Variants in ZNF366 observed in about 807,000 individuals in gnomAD.
ZNF366 encodes dendritic cell-specific transcript protein.
Under a neutral mutation model 47.2 loss-of-function variants are expected in ZNF366, and 20 were observed. The ratio of observed to expected loss-of-function variants is 0.42; its 90% CI spans 0.30 to 0.62. The LOEUF is 0.62. Among genes scored for constraint, ZNF366 ranks in the 20% least tolerant of loss-of-function variants. ZNF366 has a pLI of 0.16. For synonymous variants in ZNF366, 421 were observed against 395.1 expected (o/e 1.07, Z -0.78); for missense variants, 987 against 976.3 (o/e 1.01, Z -0.15).
At chr5:72,478,429 A>C (rs1250480241) in intron 1 of ZNF366, among the ~76,000 whole-genome samples, 3 of 152,216 alleles carry the variant, frequency 2.0e-5, no homozygotes, top group Admixed American at 1.3e-4. Flanking sequence ...CAAAGCATAG[A>C]AAGGAACTGG....
In ZNF366 at chr5:72,467,259, A is replaced by T. The variant is rs1743449318; in HGVS notation, c.-14-5749T>A. 3.9e-5 allele frequency among the ~76,000 whole-genome samples: 6 copies of T among 152,366 alleles called. No homozygotes were observed. In the South Asian group the frequency reaches 1.2e-3, roughly 32 times the overall value. ...AAACAAATAGTTTGAAAAGGAAAATATTGGGTTCATCTGTGTTAAAGGAAT... is the reference window on the plus strand; with the variant it reads ...AAACAAATAGTTTGAAAAGGAAAATTTTGGGTTCATCTGTGTTAAAGGAAT... On this transcript the variant is annotated intron_variant, in intron 1 of 4. Coordinates refer to ENST00000318442, the MANE Select transcript of ZNF366 (RefSeq NM_152625.3).
At chr5:72,502,796 TAAG>T (rs1200106607) in intron 1 of ZNF366, among the ~76,000 whole-genome samples, 1 of 152,204 alleles carries the variant, frequency 6.6e-6, no homozygotes, top group Non-Finnish European at 1.5e-5. Flanking sequence ...ATGCTCACTC[TAAG>T]ATGCAAATAA....
chr5:72,446,914 C>T (rs563171798), intron 4 of ZNF366, among the ~76,000 whole-genome samples: 5 of 152,274 alleles, frequency 3.3e-5, no homozygotes, highest in South Asian at 2.1e-4. Context: ...TTCATTCCCC[C>T]GCTGTAAAAT....
chr5:72,487,533 T>C (rs781579220), intron 1 of ZNF366, among the ~76,000 whole-genome samples: 2 of 152,192 alleles, frequency 1.3e-5, no homozygotes, highest in Non-Finnish European at 1.5e-5. Context: ...TTCACAGTCC[T>C]TCTCCCCTCC....
chr5:72,503,364 A>G (rs147004120), intron 1 of ZNF366, among the ~76,000 whole-genome samples: 126 of 152,310 alleles, frequency 8.3e-4, no homozygotes, highest in African/African-American at 2.9e-3. Context: ...GGCTCTTAAA[A>G]CGAGCATTTA....
chr5:72,494,239 G>A (rs1744069661), intron 1 of ZNF366: 2 of 152,242 alleles, frequency 1.3e-5, no homozygotes, highest in South Asian at 4.1e-4. Flanking sequence ...GATCCGTGGA[G>A]CTATAGGACT....
intron 1 of ZNF366, among the ~76,000 whole-genome samples, chr5:72,472,746 T>G (rs1392178087): frequency 6.6e-6 from 1 of 152,182 alleles, no homozygotes; most frequent in Non-Finnish European, 1.5e-5. Context: ...CACTCTGGCG[T>G]GTCAAGGGTG....
Position 72,485,283 on chromosome 5 carries a change from G to C in ZNF366, c.-15+21968C>G, listed in dbSNP as rs374113119. On this transcript the variant is annotated intron_variant, in intron 1 of 4. Coordinates refer to ENST00000318442, the MANE Select transcript of ZNF366 (RefSeq NM_152625.3). ...ATACTGTTTGCTCCATGAGGTCAGG[G>C]ATCCTGTTAGTTCACAGTCACTATT... Among the ~76,000 whole-genome samples, 4 of 152,172 alleles carry C rather than the reference G, an allele frequency of 2.6e-5. No individual in the cohort carries two copies. The East Asian group carries it at 5.8e-4, about 22-fold the overall frequency.
chr5:72,461,003 G>C lies in ZNF366; in HGVS notation c.494C>G (p.Thr165Arg). The change falls in exon 2 of 5, where the codon ACG becomes AGG. Residue 165 changes from threonine (T) to arginine (R), a missense_variant. This residue lies in a region of ZNF366 where 591 missense variants were observed against 560.9 expected (regional missense o/e 1.05). Coordinates refer to ENST00000318442, the MANE Select transcript of ZNF366 (RefSeq NM_152625.3). ...GGGCGTGGGCAGGAATGGAGTGGGC[G>C]TTGGCTGGGGCCACACGGCGCTGGG... ...IKPSAVWPQP[T>R]PTPFLPTPYP... 3 of 1,614,078 alleles carry C rather than the reference G, an allele frequency of 1.9e-6. No homozygotes were observed. The highest frequency in any genetic ancestry group is 2.5e-6 in the Non-Finnish European group (3 of 1,180,014).
At chr5:72,451,793 A>G (rs543690696) in intron 3 of ZNF366, among the ~76,000 whole-genome samples, 5 of 152,334 alleles carry the variant, frequency 3.3e-5, no homozygotes, top group South Asian at 2.1e-4. Flanking sequence ...GCTTCATCCA[A>G]GGTTCAGGGC....
chr5:72,479,206 G>C (rs968226165), intron 1 of ZNF366, among the ~76,000 whole-genome samples: 8 of 152,100 alleles, frequency 5.3e-5, no homozygotes, highest in African/African-American at 1.9e-4. Context: ...TTGCCCCTAT[G>C]ATTTTTTAAA....
Position 72,447,241 on chromosome 5 carries a change from A to G in ZNF366, c.1699+2T>C. 1 of 1,614,050 alleles carries G rather than the reference A, an allele frequency of 6.2e-7. No homozygotes were observed. Among genetic ancestry groups the G allele is most frequent in the Non-Finnish European group, 8.5e-7 (1 of 1,179,964 alleles). On this transcript the variant is annotated splice_donor_variant, in intron 4 of 4. Transcript: ENST00000318442. LOFTEE classifies it high-confidence loss of function. Reference sequence around the variant, plus strand: ...TGCAGGGCTTCCCAGAAGAGTGATTACCTTGGGAATGAAGGCCCCGCTCCA... The same window carrying G: ...TGCAGGGCTTCCCAGAAGAGTGATTGCCTTGGGAATGAAGGCCCCGCTCCA...
At chr5:72,450,370 A>G (rs1052119475) in intron 3 of ZNF366, among the ~76,000 whole-genome samples, 3 of 152,152 alleles carry the variant, frequency 2.0e-5, no homozygotes, top group Non-Finnish European at 4.4e-5. Flanking sequence ...GCGCCTGGTA[A>G]AATGGTGTCT....
intron 1 of ZNF366, among the ~76,000 whole-genome samples, chr5:72,496,918 C>T (rs1744122656): frequency 6.6e-6 from 1 of 151,994 alleles, no homozygotes; most frequent in South Asian, 2.1e-4. Flanking sequence ...GCTGATTTGC[C>T]ATTTCTATAT....
chr5:72,499,381 G>T (rs887347285), intron 1 of ZNF366, among the ~76,000 whole-genome samples: 15 of 152,068 alleles, frequency 9.9e-5, no homozygotes, highest in African/African-American at 3.6e-4. Flanking sequence ...AAGCCAGGTA[G>T]GAGGTGAGAT....
intron 1 of ZNF366, among the ~76,000 whole-genome samples, chr5:72,462,547 C>CTTTCTTTCTTTCTTTCTTTCTTTCT (rs11275151): frequency 0.09 from 7,052 of 78,314 alleles, 519 homozygotes; most frequent in Non-Finnish European, 0.11. Context: ...TTCTTTCTTT[C>CTTTCTTTCTTTCTTTCTTTCTTTCT]TTTTTTTTTT....
At chr5:72,489,851 AC>A (rs1397780986) in intron 1 of ZNF366, among the ~76,000 whole-genome samples, 1 of 152,212 alleles carries the variant, frequency 6.6e-6, no homozygotes, top group East Asian at 1.9e-4. Context: ...AAAACCCATG[AC>A]CTCTGAAAAT....
chr5:72,489,813 G>GTC (rs1370848901), intron 1 of ZNF366, among the ~76,000 whole-genome samples: 1 of 152,172 alleles, frequency 6.6e-6, no homozygotes, highest in African/African-American at 2.4e-5. Context: ...AGAGCTAAGG[G>GTC]TCTTCTCAAG....
chr5:72,448,272 A>ATGT (rs1257847232), intron 3 of ZNF366, among the ~76,000 whole-genome samples: 2 of 152,182 alleles, frequency 1.3e-5, no homozygotes, highest in East Asian at 3.8e-4. Flanking sequence ...GGAAGTAAGC[A>ATGT]TGTTTTATAC....
Sources: allele counts gnomAD v4.1 joint callset (sites outside exome capture counted in the v4.1 genomes callset), GRCh38; gene constraint gnomAD v4.1.1; regional missense constraint gnomAD v4.1.1; transcripts MANE v1.5; gene names NCBI Gene and HGNC (gene_info 2026-07-23, HGNC 2026-07-21).